Variants in TTLL9 observed in about 807,000 individuals in gnomAD.
The protein encoded by TTLL9 is probable tubulin polyglutamylase TTLL9.
TTLL9 carries 47 observed loss-of-function variants against 65.6 expected under a neutral mutation model. That is an observed-to-expected ratio of 0.72 (90% CI 0.57 to 0.91). TTLL9 has a LOEUF of 0.91. TTLL9 is among the 40% of genes least tolerant of loss of function. TTLL9 has a pLI of 0.00. For missense variants in TTLL9, 537 were observed against 568.8 expected, an observed-to-expected ratio of 0.94 and a Z score of 0.57; for synonymous variants, 179 against 204.8, an observed-to-expected ratio of 0.87 and a Z score of 1.07.
chr20:31,925,536 G>A (rs1322658073), intron 9 of TTLL9, among the ~76,000 whole-genome samples: 1 of 152,152 alleles, frequency 6.6e-6, no homozygotes, highest in African/African-American at 2.4e-5. Flanking sequence ...CCAGGGAGTG[G>A]CTATATTCCC....
rs2064169561 is a variant in TTLL9, at chr20:31,939,331, G to C, written c.1243+65G>C. 1.9e-6 allele frequency: 3 copies of C among 1,581,960 alleles called. No homozygotes were observed. In the East Asian group the frequency reaches 6.9e-5, roughly 36 times the overall value. On this transcript the variant is annotated intron_variant, in intron 14 of 14. Coordinates refer to ENST00000535842, the MANE Select transcript of TTLL9 (RefSeq NM_001008409.5). ...GTCATGGGAGGTACCAGGTAGTCTA[G>C]GAGGCAGCTTGGGATAGTGGTTAGA...
At chr20:31,930,681 G>T (rs374197933) in intron 10 of TTLL9, among the ~76,000 whole-genome samples, 27 of 151,862 alleles carry the variant, frequency 1.8e-4, no homozygotes, top group African/African-American at 6.3e-4. Flanking sequence ...CTTGTCCATT[G>T]GTTTACTTGT....
chr20:31,915,140 C>T lies in TTLL9; in HGVS notation c.505-4724C>T, dbSNP rs573913429. ...GTGATCTCTTTAGATGGCAAAGTCA[C>T]GGGCATGGCTAACACTCCTATGATT... On this transcript the variant is annotated intron_variant, in intron 6 of 14. Transcript: ENST00000535842. Among the ~76,000 whole-genome samples the T allele has an allele frequency of 4.7e-4, 71 of 152,278 alleles. 2 individuals are homozygous for T. The Middle Eastern group carries it at 0.031, about 66-fold the overall frequency.
intron 2 of TTLL9, among the ~76,000 whole-genome samples, chr20:31,875,232 A>G (rs550552444): frequency 2.6e-5 from 4 of 151,968 alleles, no homozygotes; most frequent in Non-Finnish European, 2.9e-5. Flanking sequence ...AATAGGGAGG[A>G]AAAAAAACCC....
In TTLL9 at chr20:31,943,175, A is replaced by G. The variant is rs2064248590; in HGVS notation, c.*154A>G. On this transcript the variant is annotated 3_prime_UTR_variant, in exon 15 of 15. Transcript: ENST00000535842. ...TTAGCAGCTGCAGCTTACTACCTGA[A>G]TTGGGCCCCTTGGATACCTCCAGCC... 1.7e-5 allele frequency: 12 copies of G among 708,994 alleles called. No homozygotes were observed. The East Asian group carries it at 3.0e-4, about 17-fold the overall frequency. The allele number at this position is 708,994 out of a possible 1,614,324, so 43.9% of individuals were successfully genotyped here.
In TTLL9 at chr20:31,934,820, G is replaced by T. The variant is rs1333470727; in HGVS notation, c.936G>T (p.Val312=). The T allele has an allele frequency of 8.1e-6, 13 of 1,613,942 alleles. No homozygotes were observed. The African/African-American group carries it at 1.5e-4, about 18-fold the overall frequency. The change falls in exon 12 of 15, where the codon GTG becomes GTT. Residue 312 remains valine, a synonymous_variant. Transcript: ENST00000535842. ...FVKSLQSVQK[V]IISDKHCFEL... ...AAAGCCTGCAGAGTGTGCAGAAGGT[G>T]ATCATCAGTGACAAGCACTGCTTCG...
Position 31,871,157 on chromosome 20 carries a change from C to G in TTLL9, c.31C>G (p.Pro11Ala). The G allele has an allele frequency of 1.2e-6, 2 of 1,614,140 alleles. No homozygotes were observed. Among genetic ancestry groups the G allele is most frequent in the Admixed American group, 1.7e-5 (1 of 60,014 alleles). Reference sequence around the variant, plus strand: ...GCCATCCAGGGAAGCTCTGCTGGGACCAGGCACAACTGCCATTAGGTGCCC... The same window carrying G: ...GCCATCCAGGGAAGCTCTGCTGGGAGCAGGCACAACTGCCATTAGGTGCCC... MVPSREALLG[P>A]GTTAIRCPKK... is the part of the protein sequence containing the mutation. Residue 11 changes from proline (P) to alanine (A), a missense_variant, in exon 2 of 15, where the codon CCA (proline) becomes GCA (alanine). Transcript: ENST00000535842.
At chr20:31,901,625 G>A (rs1048130000) in intron 4 of TTLL9, among the ~76,000 whole-genome samples, 4 of 152,016 alleles carry the variant, frequency 2.6e-5, no homozygotes, top group African/African-American at 4.8e-5. Flanking sequence ...CTTTCCTTCC[G>A]CCCTGGCTTT....
chr20:31,916,151 G>C (rs2063730621), intron 6 of TTLL9, among the ~76,000 whole-genome samples: 1 of 152,170 alleles, frequency 6.6e-6, no homozygotes. Flanking sequence ...CTGTGACCTG[G>C]GCTTCCTCAC....
intron 6 of TTLL9, among the ~76,000 whole-genome samples, chr20:31,915,252 C>T (rs946973995): frequency 3.3e-5 from 5 of 152,114 alleles, no homozygotes; most frequent in Admixed American, 2.0e-4. Flanking sequence ...GAGGCTGAGG[C>T]GGGCGGATCA....
At chr20:31,912,605 G>GTGTA (rs1242365428) in intron 6 of TTLL9, among the ~76,000 whole-genome samples, 3 of 22,840 alleles carry the variant, frequency 1.3e-4, no homozygotes, top group East Asian at 7.1e-4. Flanking sequence ...GTATGTGTAT[G>GTGTA]TGTGTGTGTG....
chr20:31,910,179 T>C (rs1488071943), intron 6 of TTLL9, among the ~76,000 whole-genome samples: 1 of 152,210 alleles, frequency 6.6e-6, no homozygotes, highest in African/African-American at 2.4e-5. Flanking sequence ...GAACCTGTCT[T>C]CCTGACATGC....
At chr20:31,927,480 CAAAAAAAAAAA>C (rs777895091) in intron 10 of TTLL9, among the ~76,000 whole-genome samples, 5 of 54,200 alleles carry the variant, frequency 9.2e-5, no homozygotes, top group Non-Finnish European at 1.6e-4. Context: ...GACTCTGTCT[CAAAAAAAAAAA>C]AAAAAAAAAA....
intron 14 of TTLL9, chr20:31,940,670 G>A (rs1248316471): frequency 1.3e-5 from 2 of 152,198 alleles, no homozygotes; most frequent in African/African-American, 2.4e-5. Flanking sequence ...ATTTACTGGA[G>A]ACTTGATGGT....
At chr20:31,939,399 G>A in intron 14 of TTLL9, 133 bp downstream of exon 14, 1 of 1,054,542 alleles carries the variant, frequency 9.5e-7, no homozygotes, top group Non-Finnish European at 1.3e-6. Flanking sequence ...TGTGACCTTG[G>A]GCAAGGGACT....
At chr20:31,927,789 G>T (rs2063933765) in intron 10 of TTLL9, among the ~76,000 whole-genome samples, 1 of 152,166 alleles carries the variant, frequency 6.6e-6, no homozygotes, top group Non-Finnish European at 1.5e-5. Flanking sequence ...CCAGCTTCGG[G>T]TGTGGACAAC....
chr20:31,875,871 A>G (rs1363020173), intron 2 of TTLL9, among the ~76,000 whole-genome samples: 1 of 152,172 alleles, frequency 6.6e-6, no homozygotes, highest in East Asian at 1.9e-4. Context: ...AGTATCATAA[A>G]TTTAGTGCAT....
intron 3 of TTLL9, among the ~76,000 whole-genome samples, chr20:31,891,715 T>TA (rs2063309520): frequency 1.3e-5 from 2 of 152,220 alleles, no homozygotes; most frequent in African/African-American, 4.8e-5. Flanking sequence ...CTTTACAACT[T>TA]AAAAATAATT....
At chr20:31,895,834 T>C (rs2063378221) in intron 3 of TTLL9, among the ~76,000 whole-genome samples, 1 of 151,366 alleles carries the variant, frequency 6.6e-6, no homozygotes, top group African/African-American at 2.4e-5. Flanking sequence ...TTTATTTATT[T>C]ATTTATTTAT....
Sources: allele counts gnomAD v4.1 joint callset (sites outside exome capture counted in the v4.1 genomes callset), GRCh38; gene constraint gnomAD v4.1.1; transcripts MANE v1.5; gene names NCBI Gene and HGNC (gene_info 2026-07-23, HGNC 2026-07-21).